The following CACNA1S variants were observed in gnomAD, a reference collection of about 807,000 sequenced individuals.
CACNA1S encodes the protein voltage-dependent L-type calcium channel subunit alpha-1S.
A neutral mutation model predicts 207.4 loss-of-function variants in CACNA1S; 126 were observed. The observed-to-expected ratio is 0.61, with a 90% CI of 0.53 to 0.70. The LOEUF is 0.70. Among genes scored for constraint, CACNA1S ranks in the 30% least tolerant of loss-of-function variants. CACNA1S has a pLI of 0.00. For missense variants in CACNA1S, 2,349 were observed against 2,422.8 expected (o/e 0.97, Z 0.64); for synonymous variants, 960 against 932.7 (o/e 1.03, Z -0.53).
At chr1:201,079,696 A>G (rs906706507) in intron 10 of CACNA1S, among the ~76,000 whole-genome samples, 12 of 152,178 alleles carry the variant, frequency 7.9e-5, no homozygotes, top group African/African-American at 2.4e-4. Flanking sequence ...TAAAGGTAAT[A>G]GGTGTTGCCC....
In CACNA1S at chr1:201,084,954, A is replaced by C. The variant is rs1419080554; in HGVS notation, c.1228T>G (p.Phe410Val). 1.2e-6 allele frequency: 2 copies of C among 1,611,220 alleles called. No homozygotes were observed. Among genetic ancestry groups the C allele is most frequent in the South Asian group, 2.2e-5 (2 of 91,020 alleles). The stretch of plus-strand genomic sequence containing the variant: ...GGGCAGTGGGCAGATACTCACATGA[A>C]CTGGATGATTTTGTTCAAGCCTGCA... The part of the protein sequence containing the change: ...EIAGLNKIIQ[F>V]IRHWRQWNRI... Residue 410 changes from phenylalanine to valine, a missense_variant, in exon 9 of 44, where the codon TTC becomes GTC. Physicochemically the swap from Phe to Val is conservative, Grantham distance 50 (BLOSUM62 -1). Transcript: ENST00000362061.
chr1:201,047,263 G>T, intron 37 of CACNA1S, 24 bp from the exon 38 acceptor site: 1 of 1,614,170 alleles, frequency 6.2e-7, no homozygotes, highest in Non-Finnish European at 8.5e-7. Flanking sequence ...AACAAGAGAT[G>T]CCCTGAAGGC....
At chr1:201,069,980 C>T (rs904503742) in intron 17 of CACNA1S, among the ~76,000 whole-genome samples, 4 of 152,140 alleles carry the variant, frequency 2.6e-5, no homozygotes, top group East Asian at 1.9e-4. Flanking sequence ...ATTATGAAGC[C>T]GATAAAAACT....
chr1:201,083,166 C>T lies in CACNA1S; in HGVS notation c.1389G>A (p.Leu463=), dbSNP rs1272855775. The T allele has an allele frequency of 6.2e-7, 1 of 1,614,176 alleles. No individual in the cohort carries two copies. The stretch of plus-strand genomic sequence containing the variant: ...CTTCACTCCGTTCCGCCTCACCTTG[C>T]AAACGGGTCAGCCAGAGAGGCTGGT... ...HHNQPLWLTR[L]QDIANRVLLS... is the part of the protein sequence containing the mutation. The change falls in exon 10 of 44, where the codon TTG becomes TTA. Residue 463 remains leucine (L), a synonymous_variant. Transcript: ENST00000362061.
intron 31 of CACNA1S, 46 bp from the exon 32 acceptor site, chr1:201,052,694 TC>T (rs747529329): frequency 5.4e-6 from 8 of 1,472,190 alleles, no homozygotes; most frequent in Non-Finnish European, 7.6e-6. Context: ...GATTAAAGTG[TC>T]CCCTCAGCTT....
chr1:201,061,505 G>T (rs766472019), intron 24 of CACNA1S, 37 bp from the exon 25 acceptor site: 1 of 1,591,478 alleles, frequency 6.3e-7, no homozygotes, highest in Non-Finnish European at 8.6e-7. Context: ...AGACTGGGTG[G>T]GGTGACAAGG....
At chr1:201,095,855 A>C (rs1305207910) in intron 2 of CACNA1S, among the ~76,000 whole-genome samples, 3 of 152,160 alleles carry the variant, frequency 2.0e-5, no homozygotes, top group Admixed American at 2.0e-4. Flanking sequence ...GGGCTGGAGC[A>C]ACTATGGAGG....
At chr1:201,099,165 T>C (rs1486930721) in intron 2 of CACNA1S, among the ~76,000 whole-genome samples, 2 of 152,202 alleles carry the variant, frequency 1.3e-5, no homozygotes, top group Non-Finnish European at 1.5e-5. Flanking sequence ...TGAGAGCTGG[T>C]TGGGTTTTCC....
chr1:201,067,776 C>T (rs375615340), intron 19 of CACNA1S, among the ~76,000 whole-genome samples: 4 of 152,218 alleles, frequency 2.6e-5, no homozygotes, highest in Non-Finnish European at 4.4e-5. Context: ...TTCTGGCTCT[C>T]GTGCCCCAAA....
rs1267613684 is a variant in CACNA1S at position 201,043,583 on chromosome 1, G to A, written c.4798-52C>T. 2.6e-6 allele frequency: 4 copies of A among 1,549,014 alleles called. No individual in the cohort carries two copies. In the African/African-American group the frequency reaches 5.4e-5, roughly 21 times the overall value. On this transcript the variant is annotated intron_variant, in intron 39 of 43. Coordinates refer to ENST00000362061, the MANE Select transcript of CACNA1S (RefSeq NM_000069.3). ...TGGGGGTGAGGGCAGGGAGGGCATG[G>A]GGGGCTGTCACTCTGGGACAGTGGT...
intron 19 of CACNA1S, among the ~76,000 whole-genome samples, chr1:201,067,915 C>T (rs748169598): frequency 6.6e-6 from 1 of 152,194 alleles, no homozygotes; most frequent in East Asian, 1.9e-4. Flanking sequence ...GTTCCTGGGG[C>T]TCGGCTAGCT....
intron 1 of CACNA1S, among the ~76,000 whole-genome samples, chr1:201,111,067 G>A (rs576162467): frequency 1.5e-4 from 23 of 152,316 alleles, no homozygotes; most frequent in East Asian, 3.9e-4. Context: ...GGGGCAGGGC[G>A]CAGAGGAGCA....
At position 201,050,468 on chromosome 1, in the gene CACNA1S, TG is replaced by T; in HGVS notation, c.4161del (p.Thr1388ProfsTer36). 1.9e-6 allele frequency: 3 copies of T among 1,613,840 alleles called. No individual in the cohort carries two copies. The highest frequency in any genetic ancestry group is 2.5e-6 in the Non-Finnish European group (3 of 1,179,960). The stretch of plus-strand genomic sequence containing the variant: ...GGGCCCAGGATGGACCAGTCCCGGG[TG>T]AGGTAGTCAAAATTGTCCATGATGA... ...VAVIMDNFDY[L>X]TRDWSILGPH... is the part of the protein sequence containing the mutation. On this transcript the variant is annotated frameshift_variant, in exon 34 of 44. Transcript: ENST00000362061. LOFTEE classifies it high-confidence loss of function.
intron 19 of CACNA1S, among the ~76,000 whole-genome samples, chr1:201,068,896 C>A (rs1661350732): frequency 6.6e-6 from 1 of 152,058 alleles, no homozygotes; most frequent in Admixed American, 6.6e-5. Flanking sequence ...AAGAAAAATG[C>A]CTGAGGCTTC....
At chr1:201,074,833 C>T (rs1261636698) in intron 13 of CACNA1S, among the ~76,000 whole-genome samples, 2 of 152,210 alleles carry the variant, frequency 1.3e-5, no homozygotes, top group Non-Finnish European at 2.9e-5. Context: ...GGCCTTGAAT[C>T]CCATCCGTTT....
At chr1:201,045,962 A>G (rs1660455150) in intron 38 of CACNA1S, among the ~76,000 whole-genome samples, 1 of 151,038 alleles carries the variant, frequency 6.6e-6, no homozygotes, top group Non-Finnish European at 1.5e-5. Flanking sequence ...TATACTTGCA[A>G]CTTTTTAAAA....
At chr1:201,040,832 G>A in intron 41 of CACNA1S, 119 bp from the exon 42 acceptor site, 1 of 760,506 alleles carries the variant, frequency 1.3e-6, no homozygotes, top group Non-Finnish European at 2.3e-6. Context: ...GATTCTCAGG[G>A]CTGCAGAAGG....
At chr1:201,092,724 C>G (rs1662285178) in intron 3 of CACNA1S, among the ~76,000 whole-genome samples, 1 of 152,234 alleles carries the variant, frequency 6.6e-6, no homozygotes, top group African/African-American at 2.4e-5. Flanking sequence ...CTCTATTATT[C>G]TGTACGCATT....
rs1558078309 is a variant in CACNA1S, at chr1:201,087,848, G to T, written c.982C>A (p.Leu328Met). 6.2e-7 allele frequency: 1 copy of T among 1,613,224 alleles called. No individual in the cohort carries two copies. Among genetic ancestry groups the T allele is most frequent in the South Asian group, 1.1e-5 (1 of 91,040 alleles). Residue 328 changes from leucine to methionine, a missense_variant, in exon 7 of 44, where the codon CTG becomes ATG. Transcript: ENST00000362061. Reference sequence around the variant, plus strand: ...TACCCACTCAGGACACCCAGCACCAGGTTGAGGATGAAGAAGGATCCCAGC... The same window carrying T: ...TACCCACTCAGGACACCCAGCACCATGTTGAGGATGAAGAAGGATCCCAGC... ...ILLGSFFILN[L>M]VLGVLSGEFT...
Sources: gnomAD v4.1 joint callset for allele counts (sites outside exome capture counted in the v4.1 genomes callset) on GRCh38, gnomAD v4.1.1 for gene constraint, MANE v1.5 for transcripts, NCBI Gene and HGNC (gene_info 2026-07-23, HGNC 2026-07-21) for gene names.